Variants in SIDT1 observed in about 807,000 individuals in gnomAD.
The protein encoded by SIDT1 is SID1 transmembrane family, member 1.
SIDT1 carries 101 observed loss-of-function variants against 107.5 expected under a neutral mutation model. That is an observed-to-expected ratio of 0.94 (90% confidence interval 0.80 to 1.11). The LOEUF is 1.11. Among genes scored for constraint, SIDT1 ranks in the 50% least tolerant of loss-of-function variants. The pLI is 0.00. For synonymous variants in SIDT1, 395 were observed against 398.2 expected (o/e 0.99, Z 0.10); for missense variants, 1,076 against 1,058.2 (o/e 1.02, Z -0.23).
At chr3:113,582,908 G>A (rs542132730) in intron 6 of SIDT1, among the ~76,000 whole-genome samples, 2 of 151,964 alleles carry the variant, frequency 1.3e-5, no homozygotes, top group Non-Finnish European at 2.9e-5. Flanking sequence ...CTTGTCAACC[G>A]CACTTCATTC....
At chr3:113,594,709 A>G (rs1944413159) in intron 10 of SIDT1, among the ~76,000 whole-genome samples, 1 of 152,144 alleles carries the variant, frequency 6.6e-6, no homozygotes, top group Admixed American at 6.5e-5. Flanking sequence ...AGCGGAAACA[A>G]ATGAGTGACC....
At chr3:113,619,877 A>G (rs1946341474) in intron 21 of SIDT1, 151 bp downstream of exon 21, 1 of 686,622 alleles carries the variant, frequency 1.5e-6, no homozygotes, top group African/African-American at 1.8e-5. Flanking sequence ...AGGTAGTAGG[A>G]CATTCTCGTG....
chr3:113,586,552 C>A (rs1396959197), intron 9 of SIDT1, among the ~76,000 whole-genome samples: 2 of 152,110 alleles, frequency 1.3e-5, no homozygotes, highest in Non-Finnish European at 2.9e-5. Context: ...CGATGAATGC[C>A]AAATCTAGGG....
intron 9 of SIDT1, among the ~76,000 whole-genome samples, chr3:113,592,397 A>G (rs943526941): frequency 1.3e-5 from 2 of 152,212 alleles, no homozygotes; most frequent in Non-Finnish European, 2.9e-5. Context: ...AAAACTGATG[A>G]ATGAATAAAT....
In SIDT1 at chr3:113,619,697, G is replaced by C; in HGVS notation, c.2061G>C (p.Leu687=). Residue 687 remains leucine (L), a synonymous_variant, in exon 21 of 25, where the codon CTG becomes CTC. Coordinates refer to ENST00000264852, the MANE Select transcript of SIDT1 (RefSeq NM_017699.3). ...TTTTCCAGGATAGAATGGTGTTGCT[G>C]GTTGTGGGGAATCTGGTTAACTGGT... is the stretch of plus-strand genomic sequence containing the variant. ...RPLYMDRMVL[L]VVGNLVNWSF... 1 of 1,614,064 alleles carries C rather than the reference G, an allele frequency of 6.2e-7. No individual in the cohort carries two copies. Among genetic ancestry groups the C allele is most frequent in the Non-Finnish European group, 8.5e-7 (1 of 1,179,962 alleles).
At position 113,604,970 on chromosome 3, in the gene SIDT1, T is replaced by C; in HGVS notation, c.1398T>C (p.Tyr466=). ...ALPVIQLVIT[Y]QTVVNVTGNQ... ...CCGTGATCCAGCTGGTCATTACCTA[T>C]CAGACAGTAAGTGCTGCCCCAGCCC... Residue 466 remains tyrosine, a synonymous_variant, in exon 14 of 25, where the codon TAT becomes TAC. Coordinates refer to ENST00000264852, the MANE Select transcript of SIDT1 (RefSeq NM_017699.3). 6.2e-7 allele frequency: 1 copy of C among 1,613,956 alleles called. No individual in the cohort carries two copies. The highest frequency in any genetic ancestry group is 8.5e-7 in the Non-Finnish European group (1 of 1,180,012).
Position 113,601,618 on chromosome 3 carries a change from T to A in SIDT1, c.1076T>A (p.Ile359Asn). The change falls in exon 11 of 25, where the codon ATT becomes AAT. Residue 359 changes from isoleucine to asparagine, a missense_variant. Ile to Asn is a moderately radical substitution (Grantham distance 149, BLOSUM62 -3). Transcript: ENST00000264852. ...GSGNMVASHP[I>N]AASTPEGSNY... ...GGAAATATGGTGGCATCTCATCCCA[T>A]TGCTGCCAGCACACCCGAAGGGAGC... is the stretch of plus-strand genomic sequence containing the variant. 1.2e-6 allele frequency: 2 copies of A among 1,613,994 alleles called. No individual in the cohort carries two copies. Among genetic ancestry groups the A allele is most frequent in the East Asian group, 2.2e-5 (1 of 44,882 alleles).
intron 20 of SIDT1, among the ~76,000 whole-genome samples, chr3:113,619,004 T>C (rs1946286610): frequency 6.6e-6 from 1 of 152,046 alleles, no homozygotes; most frequent in African/African-American, 2.4e-5. Context: ...TTTGTATTTT[T>C]AGTAGAGACA....
At chr3:113,569,254 G>A (rs894896618) in intron 3 of SIDT1, among the ~76,000 whole-genome samples, 4 of 152,002 alleles carry the variant, frequency 2.6e-5, no homozygotes, top group African/African-American at 9.7e-5. Flanking sequence ...AGTCAGAATA[G>A]TGGTACCTTT....
chr3:113,603,324 C>CT lies in SIDT1; in HGVS notation c.1263+182dup, dbSNP rs200069253. On this transcript the variant is annotated intron_variant, in intron 12 of 24. Transcript: ENST00000264852. ...AAAAGCAATACTCTGTTAATTCGCACTTTTTTTTCTCGCGGAAGAAAGTGA... is the reference window on the plus strand; with the variant it reads ...AAAAGCAATACTCTGTTAATTCGCACTTTTTTTTTCTCGCGGAAGAAAGTGA... Among the ~76,000 whole-genome samples the CT allele has an allele frequency of 5.0e-3, 767 of 152,058 alleles. 10 individuals carry two copies. Among genetic ancestry groups the CT allele is most frequent in the African/African-American group, 0.018 (728 of 41,458 alleles).
intron 19 of SIDT1, 67 bp from the exon 20 acceptor site, chr3:113,616,033 G>C: frequency 1.8e-6 from 2 of 1,089,004 alleles, no homozygotes. Context: ...CAAAACCTTG[G>C]GCCACTTCAG....
intron 1 of SIDT1, among the ~76,000 whole-genome samples, chr3:113,561,802 C>T (rs1395493611): frequency 6.6e-6 from 1 of 152,118 alleles, no homozygotes; most frequent in Non-Finnish European, 1.5e-5. Flanking sequence ...ATTTGAAAAT[C>T]TTTGCCTTAG....
At chr3:113,571,762 C>T (rs912487706) in intron 3 of SIDT1, among the ~76,000 whole-genome samples, 31 of 152,282 alleles carry the variant, frequency 2.0e-4, no homozygotes, top group Non-Finnish European at 3.8e-4. Flanking sequence ...GGTGAAACTC[C>T]GTCTCTACTA....
At chr3:113,579,601 A>G (rs532765363) in intron 4 of SIDT1, among the ~76,000 whole-genome samples, 1 of 152,252 alleles carries the variant, frequency 6.6e-6, no homozygotes, top group South Asian at 2.1e-4. Flanking sequence ...ATTTTTCCCC[A>G]TCAGAAAGCT....
chr3:113,633,754 T>C (rs1192715202), downstream of SIDT1, among the ~76,000 whole-genome samples: 5 of 152,176 alleles, frequency 3.3e-5, no homozygotes. Context: ...CGTTTCAGTG[T>C]CTATAAAATG....
At chr3:113,578,012 C>G (rs1943036618) in intron 4 of SIDT1, among the ~76,000 whole-genome samples, 1 of 152,234 alleles carries the variant, frequency 6.6e-6, no homozygotes, top group Admixed American at 6.5e-5. Flanking sequence ...TTTTAAACTT[C>G]CTGTCTGTGA....
rs1943641380 is a variant in SIDT1 at position 113,585,048 on chromosome 3, C to T, written c.908-129C>T. 5 of 710,096 alleles carry T rather than the reference C, an allele frequency of 7.0e-6. No individual in the cohort carries two copies. In the East Asian group the frequency reaches 1.0e-4, roughly 14 times the overall value. 44.0% of individuals were successfully genotyped at this position (710,096 alleles called of 1,614,324 possible). A position where few individuals can be genotyped will look rare whatever the true frequency, so the allele number is the denominator to read the frequency against. On this transcript the variant is annotated intron_variant, in intron 8 of 24. Transcript: ENST00000264852. ...CTGGGGACCTCCAGTAGCAGTTTTG[C>T]TGTGAACAAAAATTTATTAGGACCT... is the stretch of plus-strand genomic sequence containing the variant.
chr3:113,633,907 G>A (rs1947108424), downstream of SIDT1, among the ~76,000 whole-genome samples: 1 of 152,176 alleles, frequency 6.6e-6, no homozygotes, highest in African/African-American at 2.4e-5. Context: ...ACTACAGGCA[G>A]AATTTTAAAA....
chr3:113,574,883 T>C (rs1300855446), intron 3 of SIDT1, among the ~76,000 whole-genome samples: 1 of 152,206 alleles, frequency 6.6e-6, no homozygotes, highest in Non-Finnish European at 1.5e-5. Flanking sequence ...TAACAATCCA[T>C]GAGCTTCAGT....
Sources: gnomAD v4.1 joint callset for allele counts (sites outside exome capture counted in the v4.1 genomes callset) on GRCh38, gnomAD v4.1.1 for gene constraint, MANE v1.5 for transcripts, NCBI Gene and HGNC (gene_info 2026-07-23, HGNC 2026-07-21) for gene names.